The following PSD3 variants were observed in gnomAD, a reference collection of about 807,000 sequenced individuals.
PSD3 encodes pleckstrin and Sec7 domain containing 3, also known as PH and SEC7 domain-containing protein 3.
PSD3 carries 49 observed loss-of-function variants against 105.5 expected under a neutral mutation model. The ratio of observed to expected loss-of-function variants is 0.46; its 90% confidence interval spans 0.37 to 0.59. The LOEUF is 0.59. PSD3 is among the 20% of genes least tolerant of loss of function. The pLI is 0.00. For synonymous variants in PSD3, 557 were observed against 457.8 expected, an observed-to-expected ratio of 1.22 and a Z score of -2.77; for missense variants, 1,561 against 1,263.8, an observed-to-expected ratio of 1.24 and a Z score of -3.57.
intron 1 of PSD3, among the ~76,000 whole-genome samples, chr8:18,980,777 A>C (rs1825210362): frequency 6.6e-6 from 1 of 152,130 alleles, no homozygotes; most frequent in South Asian, 2.1e-4. Flanking sequence ...CAGTTATTTG[A>C]CGCTTCTGCC....
At chr8:18,907,933 G>A (rs1819954381) in intron 2 of PSD3, among the ~76,000 whole-genome samples, 2 of 152,020 alleles carry the variant, frequency 1.3e-5, no homozygotes, top group South Asian at 2.1e-4. Flanking sequence ...TTTGCACTCG[G>A]CACACAAGAA....
chr8:18,620,977 A>C (rs1806070394), intron 11 of PSD3, among the ~76,000 whole-genome samples: 1 of 152,260 alleles, frequency 6.6e-6, no homozygotes, highest in East Asian at 1.9e-4. Flanking sequence ...CAGCAGTGAA[A>C]ATAGAATAAC....
chr8:19,066,609 C>CAGCT (rs1392902454), intron 1 of PSD3, among the ~76,000 whole-genome samples: 8 of 152,328 alleles, frequency 5.3e-5, no homozygotes, highest in African/African-American at 1.9e-4. Flanking sequence ...ACCTGGTGTG[C>CAGCT]AGCTACCTGT....
intron 9 of PSD3, chr8:18,734,346 AATAAAT>A (rs1174353800): frequency 3.3e-5 from 5 of 152,250 alleles, no homozygotes; most frequent in African/African-American, 7.2e-5. Flanking sequence ...AACAGTATCT[AATAAAT>A]ATAAACTGTG....
At chr8:18,756,275 A>G (rs566146243) in intron 9 of PSD3, among the ~76,000 whole-genome samples, 4 of 152,272 alleles carry the variant, frequency 2.6e-5, no homozygotes, top group African/African-American at 9.6e-5. Context: ...TACTCCGAAT[A>G]TAACTCAGAT....
chr8:18,814,354 C>T (rs1321240610), intron 4 of PSD3, among the ~76,000 whole-genome samples: 2 of 152,186 alleles, frequency 1.3e-5, no homozygotes, highest in Admixed American at 6.5e-5. Flanking sequence ...TGGAAAATGA[C>T]CCAAACTCAC....
intron 9 of PSD3, among the ~76,000 whole-genome samples, chr8:18,724,830 A>G (rs1803235772): frequency 6.6e-6 from 1 of 152,128 alleles, no homozygotes. Flanking sequence ...CATATAACTA[A>G]CTAACAGTCT....
intron 1 of PSD3, among the ~76,000 whole-genome samples, chr8:19,026,360 T>C (rs1827548845): frequency 6.6e-6 from 1 of 152,116 alleles, no homozygotes; most frequent in Non-Finnish European, 1.5e-5. Context: ...GCAATCTTTA[T>C]CTCCATAACT....
intron 9 of PSD3, among the ~76,000 whole-genome samples, chr8:18,741,271 C>T (rs1804551407): frequency 6.6e-6 from 1 of 152,150 alleles, no homozygotes; most frequent in South Asian, 2.1e-4. Flanking sequence ...GCGATGTCAT[C>T]TCCATTTTAT....
At chr8:18,972,748 C>T (rs926445271) in intron 1 of PSD3, among the ~76,000 whole-genome samples, 1 of 152,202 alleles carries the variant, frequency 6.6e-6, no homozygotes, top group South Asian at 2.1e-4. Flanking sequence ...AAAGAGGACA[C>T]TCACCAAGGA....
intron 8 of PSD3, among the ~76,000 whole-genome samples, chr8:18,791,088 T>C (rs1020290589): frequency 4.6e-5 from 7 of 151,976 alleles, no homozygotes; most frequent in East Asian, 1.9e-4. Flanking sequence ...CACTAACAAA[T>C]GGAAAAACAT....
intron 1 of PSD3, among the ~76,000 whole-genome samples, chr8:18,989,932 T>A (rs576303095): frequency 6.6e-6 from 1 of 152,126 alleles, no homozygotes; most frequent in Non-Finnish European, 1.5e-5. Context: ...CCAACAAGAG[T>A]GCTACATCTC....
At chr8:18,589,224 G>C (rs1347314306) in intron 12 of PSD3, among the ~76,000 whole-genome samples, 1 of 152,108 alleles carries the variant, frequency 6.6e-6, no homozygotes, top group Non-Finnish European at 1.5e-5. Flanking sequence ...CAAGCTTATA[G>C]ACTCCATAGG....
intron 2 of PSD3, among the ~76,000 whole-genome samples, chr8:18,888,685 A>C (rs1168898121): frequency 6.6e-6 from 1 of 152,118 alleles, no homozygotes; most frequent in Non-Finnish European, 1.5e-5. Context: ...AATCCTCTCA[A>C]AGAAGAGCTA....
At chr8:18,897,772 T>C (rs973810305) in intron 2 of PSD3, among the ~76,000 whole-genome samples, 4 of 152,216 alleles carry the variant, frequency 2.6e-5, no homozygotes, top group Non-Finnish European at 5.9e-5. Flanking sequence ...CTACTGTACC[T>C]GCAATTGCTT....
At chr8:18,808,758 C>A (rs1811421504) in intron 4 of PSD3, 1 of 1,614,084 alleles carries the variant, frequency 6.2e-7, no homozygotes, top group African/African-American at 1.3e-5. Context: ...AACTTACCAG[C>A]AACCATACAG....
intron 10 of PSD3, among the ~76,000 whole-genome samples, chr8:18,636,844 G>T (rs1807291412): frequency 6.6e-6 from 1 of 152,184 alleles, no homozygotes; most frequent in Admixed American, 6.5e-5. Flanking sequence ...TTCACACAGT[G>T]ATGAATTCGC....
At chr8:18,752,282 A>C (rs1805555455) in intron 9 of PSD3, among the ~76,000 whole-genome samples, 1 of 149,906 alleles carries the variant, frequency 6.7e-6, no homozygotes. Flanking sequence ...GGAAAACTGA[A>C]ATTATTTCTT....
chr8:18,922,846 T>G (rs574375767), intron 2 of PSD3, among the ~76,000 whole-genome samples: 1 of 152,254 alleles, frequency 6.6e-6, no homozygotes, highest in South Asian at 2.1e-4. Flanking sequence ...GATAAAGGGA[T>G]GCATGGGGCA....
Sources: allele counts gnomAD v4.1 joint callset (sites outside exome capture counted in the v4.1 genomes callset), GRCh38; gene constraint gnomAD v4.1.1; transcripts MANE v1.5; gene names NCBI Gene and HGNC (gene_info 2026-07-23, HGNC 2026-07-21).